Variants in MARS1 observed in about 807,000 individuals in gnomAD.
MARS1 encodes the protein methionine--tRNA ligase, cytoplasmic.
MARS1 carries 80 observed loss-of-function variants against 119.5 expected under a neutral mutation model. The observed-to-expected ratio is 0.67, with a 90% CI of 0.56 to 0.81. MARS1 has a LOEUF of 0.81. Ranked by LOEUF, MARS1 falls within the 30% of genes least tolerant of loss-of-function variation. MARS1 has a pLI of 0.00. For synonymous variants in MARS1, 418 were observed against 433.4 expected, an observed-to-expected ratio of 0.96 and a Z score of 0.44; for missense variants, 945 against 1,116.5, an observed-to-expected ratio of 0.85 and a Z score of 2.19.
chr12:57,512,699 G>C, intron 14 of MARS1, 52 bp from the exon 15 acceptor site: 1 of 1,379,368 alleles, frequency 7.2e-7, no homozygotes, highest in East Asian at 2.3e-5. Flanking sequence ...GGGCTAGAGA[G>C]GGGAAGGATG....
At chr12:57,507,425 T>A (rs77981382) in intron 11 of MARS1, among the ~76,000 whole-genome samples, 1 of 19,760 alleles carries the variant, frequency 5.1e-5, no homozygotes, top group African/African-American at 1.4e-4. Flanking sequence ...CCAGTAGGGG[T>A]GGCCGGGCAG....
chr12:57,495,123 C>T (rs1426406573), intron 7 of MARS1, among the ~76,000 whole-genome samples: 1 of 149,240 alleles, frequency 6.7e-6, no homozygotes, highest in African/African-American at 2.5e-5. Context: ...TGGGTGGCGG[C>T]CAGGCGGAGG....
At chr12:57,491,337 C>T (rs1225919999) in intron 7 of MARS1, among the ~76,000 whole-genome samples, 4 of 152,154 alleles carry the variant, frequency 2.6e-5, no homozygotes, top group Admixed American at 2.0e-4. Context: ...AAACCTGTTA[C>T]CTTTCCTGCT....
chr12:57,490,780 C>CTTTTTT (rs35674919), intron 7 of MARS1, 136 bp downstream of exon 7: 12 of 255,588 alleles, frequency 4.7e-5, no homozygotes, highest in African/African-American at 1.3e-4. Flanking sequence ...TCTTACATCT[C>CTTTTTT]TTTTTTTTTT....
intron 10 of MARS1, among the ~76,000 whole-genome samples, chr12:57,503,021 G>A (rs912446443): frequency 3.9e-5 from 6 of 152,068 alleles, no homozygotes; most frequent in East Asian, 3.9e-4. Flanking sequence ...GTGAGACTTC[G>A]TCTCAAAAAC....
At chr12:57,504,200 T>G (rs1395474917) in intron 10 of MARS1, 25 bp from the exon 11 acceptor site, 2 of 1,588,184 alleles carry the variant, frequency 1.3e-6, no homozygotes, top group Non-Finnish European at 1.7e-6. Context: ...AGGCCTGATC[T>G]GTCCTCTGGA....
chr12:57,510,971 G>A (rs909432469), intron 11 of MARS1, among the ~76,000 whole-genome samples: 5 of 152,040 alleles, frequency 3.3e-5, no homozygotes, highest in African/African-American at 1.2e-4. Flanking sequence ...CTACTCAGGA[G>A]GCTGAGGTGG....
chr12:57,508,363 T>G (rs1877333205), intron 11 of MARS1, among the ~76,000 whole-genome samples: 1 of 152,232 alleles, frequency 6.6e-6, no homozygotes, highest in Non-Finnish European at 1.5e-5. Flanking sequence ...CACTCCAGCC[T>G]GGGCACCATT....
At chr12:57,490,075 C>A in intron 5 of MARS1, 104 bp downstream of exon 5, 2 of 1,432,966 alleles carry the variant, frequency 1.4e-6, no homozygotes, top group Non-Finnish European at 2.0e-6. Flanking sequence ...CTTGACTGGG[C>A]AACTATAGCA....
At chr12:57,513,181 G>T (rs186975482) in intron 15 of MARS1, among the ~76,000 whole-genome samples, 1 of 152,278 alleles carries the variant, frequency 6.6e-6, no homozygotes, top group African/African-American at 2.4e-5. Flanking sequence ...TAGCAAAGTT[G>T]GTTATAAAGT....
rs141256994 is a variant in MARS1 at position 57,504,812 on chromosome 12, T to G, written c.1368+513T>G. On this transcript the variant is annotated intron_variant, in intron 11 of 20. Coordinates refer to ENST00000262027, the MANE Select transcript of MARS1 (RefSeq NM_004990.4). ...TTCGCCTCCTGGGTTCAAGTGATTC[T>G]CCTGCGTCAGCCTCCAGAATAGCTG... 1.3e-3 allele frequency among the ~76,000 whole-genome samples: 191 copies of G among 150,030 alleles called. 4 individuals carry two copies. The East Asian group carries it at 0.028, about 22-fold the overall frequency.
chr12:57,501,860 T>A (rs955132465), intron 10 of MARS1, among the ~76,000 whole-genome samples: 4 of 148,968 alleles, frequency 2.7e-5, no homozygotes, highest in African/African-American at 9.9e-5. Context: ...CAGGCCGTGG[T>A]GGCGCACACC....
rs1017492859 is a variant in MARS1, at chr12:57,498,545, T to C, written c.1013T>C (p.Ile338Thr). 2.5e-6 allele frequency: 4 copies of C among 1,614,092 alleles called. No individual in the cohort carries two copies. In the African/African-American group the frequency reaches 5.3e-5, roughly 22 times the overall value. The change falls in exon 9 of 21, where the codon ATC (isoleucine) becomes ACC (threonine). Residue 338 changes from isoleucine to threonine, a missense_variant. By Grantham distance (89) the Ile-to-Thr change is moderately conservative (BLOSUM62 -1). Transcript: ENST00000262027. ...CAGGAGATCTGCGACAAGTACCACA[T>C]CATCCATGCTGACATCTACCGCTGG... ...TPQEICDKYH[I>T]IHADIYRWFN...
At chr12:57,514,892 A>T in intron 16 of MARS1, 41 bp downstream of exon 16, 1 of 1,613,258 alleles carries the variant, frequency 6.2e-7, no homozygotes, top group Admixed American at 1.7e-5. Context: ...TGGCATGTTG[A>T]GAGCCTCCTT....
chr12:57,504,518 C>G (rs1180203985), intron 11 of MARS1, among the ~76,000 whole-genome samples: 1 of 152,024 alleles, frequency 6.6e-6, no homozygotes, highest in East Asian at 1.9e-4. Context: ...TGTGTCTATT[C>G]AGAAATGTCA....
chr12:57,497,223 C>T (rs766958561), intron 7 of MARS1, among the ~76,000 whole-genome samples: 1 of 151,982 alleles, frequency 6.6e-6, no homozygotes, highest in Non-Finnish European at 1.5e-5. Flanking sequence ...GAGAAAGTTA[C>T]GATATTCAGT....
chr12:57,500,546 G>A, intron 10 of MARS1, 24 bp downstream of exon 10: 4 of 1,608,572 alleles, frequency 2.5e-6, no homozygotes, highest in South Asian at 1.1e-5. Flanking sequence ...CTCCATGGGA[G>A]CCCGGAAGGA....
In MARS1 at chr12:57,489,269, A is replaced by T. The variant is rs11540808; in HGVS notation, c.203A>T (p.Tyr68Phe). The T allele has an allele frequency of 3.1e-6, 5 of 1,597,100 alleles. No individual in the cohort carries two copies. The highest frequency in any genetic ancestry group is 1.7e-5 in the Admixed American group (1 of 59,528). The change falls in exon 3 of 21, where the codon TAT (tyrosine) becomes TTT (phenylalanine). Residue 68 changes from tyrosine (Y) to phenylalanine (F), a missense_variant and splice_region_variant. Physicochemically the swap from Tyr to Phe is conservative, Grantham distance 22 (BLOSUM62 3). Transcript: ENST00000262027. ...YLFSTSAICR[Y>F]FFLLSGWEQD... ...TCTGTTGCTCTCTCTCTGGGCAGAT[A>T]TTTTTTTTTGTTATCTGGCTGGGAG...
At chr12:57,510,470 C>G (rs1877455656) in intron 11 of MARS1, among the ~76,000 whole-genome samples, 1 of 151,632 alleles carries the variant, frequency 6.6e-6, no homozygotes, top group Non-Finnish European at 1.5e-5. Context: ...AAGACTCCAG[C>G]TCAAAAAAAT....
Sources: allele counts gnomAD v4.1 joint callset (sites outside exome capture counted in the v4.1 genomes callset), GRCh38; gene constraint gnomAD v4.1.1; transcripts MANE v1.5; gene names NCBI Gene and HGNC (gene_info 2026-07-23, HGNC 2026-07-21).